DLG2: variants seen among roughly 807,000 people sequenced by gnomAD.
DLG2 encodes the protein disks large homolog 2.
A neutral mutation model predicts 132.5 loss-of-function variants in DLG2; 45 were observed. The ratio of observed to expected loss-of-function variants is 0.34; its 90% CI spans 0.27 to 0.44. DLG2 has a LOEUF of 0.44. Ranked by LOEUF, DLG2 falls within the 20% of genes least tolerant of loss-of-function variation. The probability of loss-of-function intolerance (pLI) is 1.00; values close to 1 mark genes in which losing one functional copy is unlikely to be tolerated. For missense variants in DLG2, 1,045 were observed against 1,196.9 expected, an observed-to-expected ratio of 0.87 and a Z score of 1.87; for synonymous variants, 424 against 419.6, an observed-to-expected ratio of 1.01 and a Z score of -0.13.
intron 7 of DLG2, among the ~76,000 whole-genome samples, chr11:84,487,711 A>G (rs1044355494): frequency 6.6e-6 from 1 of 152,158 alleles, no homozygotes; most frequent in Non-Finnish European, 1.5e-5. Context: ...ACTGAGGTTC[A>G]GCCAGAAGAT....
At chr11:83,594,133 G>A (rs1169069198) in intron 19 of DLG2, among the ~76,000 whole-genome samples, 1 of 152,206 alleles carries the variant, frequency 6.6e-6, no homozygotes, top group Non-Finnish European at 1.5e-5. Context: ...GACCCTTTAG[G>A]CAGGGCCCTG....
chr11:85,335,208 G>A (rs997260188), intron 3 of DLG2, among the ~76,000 whole-genome samples: 3 of 149,670 alleles, frequency 2.0e-5, no homozygotes, highest in African/African-American at 7.3e-5. Context: ...GTCACTTTGT[G>A]TGAAATAATA....
At chr11:84,832,824 C>T (rs1226320787) in intron 6 of DLG2, among the ~76,000 whole-genome samples, 2 of 151,466 alleles carry the variant, frequency 1.3e-5, no homozygotes, top group African/African-American at 2.4e-5. Flanking sequence ...CCCCTCCGCC[C>T]CCAGTTTGGA....
At chr11:83,897,305 A>T (rs1468756827) in intron 15 of DLG2, among the ~76,000 whole-genome samples, 1 of 152,224 alleles carries the variant, frequency 6.6e-6, no homozygotes, top group East Asian at 1.9e-4. Flanking sequence ...TGGCATAAAA[A>T]TATTAAGAAA....
chr11:85,162,207 A>T (rs1403995130), intron 4 of DLG2, among the ~76,000 whole-genome samples: 5 of 152,216 alleles, frequency 3.3e-5, no homozygotes, highest in Non-Finnish European at 5.9e-5. Context: ...AACGGGAAGT[A>T]AGGAAGTGTG....
chr11:84,713,102 G>C (rs2060629392), intron 6 of DLG2, among the ~76,000 whole-genome samples: 1 of 152,056 alleles, frequency 6.6e-6, no homozygotes, highest in Non-Finnish European at 1.5e-5. Context: ...TCAAATTCAG[G>C]TGTGCATAAA....
In DLG2 at chr11:84,302,932, C is replaced by CA. The variant is rs199941142; in HGVS notation, c.520-51642dup. On this transcript the variant is annotated intron_variant, in intron 7 of 27. Transcript: ENST00000376104. ...TCAAAACGTGTCTCTACACCAAAAA[C>CA]AAAAAAAAATACACACACAGACAGA... 1.7e-3 allele frequency among the ~76,000 whole-genome samples: 256 copies of CA among 149,682 alleles called. 1 individual carries two copies. The highest frequency in any genetic ancestry group is 5.6e-3 in the African/African-American group (227 of 40,816).
chr11:84,016,792 C>G (rs772060141), intron 11 of DLG2, among the ~76,000 whole-genome samples: 34 of 152,074 alleles, frequency 2.2e-4, no homozygotes, highest in Non-Finnish European at 4.3e-4. Flanking sequence ...GACAAGAGAT[C>G]AAGTAAAACA....
intron 18 of DLG2, among the ~76,000 whole-genome samples, chr11:83,750,961 G>A (rs2093266605): frequency 6.6e-6 from 1 of 152,156 alleles, no homozygotes; most frequent in Admixed American, 6.6e-5. Flanking sequence ...TCAACAGTGA[G>A]CAAAACAAGA....
chr11:83,904,138 A>G (rs1287418817), intron 15 of DLG2, among the ~76,000 whole-genome samples: 1 of 152,174 alleles, frequency 6.6e-6, no homozygotes, highest in Non-Finnish European at 1.5e-5. Flanking sequence ...CTATGTGACT[A>G]AAGGGTGGGT....
intron 7 of DLG2, among the ~76,000 whole-genome samples, chr11:84,444,408 TTAAAAA>T (rs2099026824): frequency 1.3e-5 from 2 of 152,154 alleles, no homozygotes; most frequent in South Asian, 4.1e-4. Context: ...AAAATAACAA[TTAAAAA>T]TAGTAATTTA....
chr11:83,713,443 T>C (rs2085955285), intron 18 of DLG2, among the ~76,000 whole-genome samples: 1 of 152,186 alleles, frequency 6.6e-6, no homozygotes, highest in East Asian at 1.9e-4. Context: ...CAAAGTATTT[T>C]TCAGGAGAAG....
chr11:83,896,045 G>A (rs534815755), intron 15 of DLG2, among the ~76,000 whole-genome samples: 5 of 124,664 alleles, frequency 4.0e-5, no homozygotes, highest in Non-Finnish European at 6.8e-5. Context: ...AATATACCAG[G>A]GACTCTCTTA....
intron 11 of DLG2, among the ~76,000 whole-genome samples, chr11:83,999,307 C>A (rs1240850879): frequency 6.6e-6 from 1 of 152,144 alleles, no homozygotes. Flanking sequence ...TCTACCTAGC[C>A]AGCCACTTAC....
intron 3 of DLG2, among the ~76,000 whole-genome samples, chr11:85,364,861 C>CT (rs1185401863): frequency 2.6e-5 from 4 of 151,542 alleles, no homozygotes; most frequent in Non-Finnish European, 5.9e-5. Flanking sequence ...TTGTTTTTCC[C>CT]TATCCTTCTG....
chr11:84,338,320 C>T (rs1351325727), intron 7 of DLG2, among the ~76,000 whole-genome samples: 1 of 152,154 alleles, frequency 6.6e-6, no homozygotes, highest in African/African-American at 2.4e-5. Flanking sequence ...TAGAAGGCAA[C>T]TTGTTCACTC....
intron 6 of DLG2, chr11:84,955,529 G>T (rs1468638547): frequency 2.0e-5 from 3 of 152,098 alleles, no homozygotes; most frequent in Non-Finnish European, 4.4e-5. Context: ...CAACATGACA[G>T]TACTTCTCAA....
intron 7 of DLG2, among the ~76,000 whole-genome samples, chr11:84,334,193 C>A (rs1205500080): frequency 6.6e-6 from 1 of 152,172 alleles, no homozygotes; most frequent in Non-Finnish European, 1.5e-5. Context: ...CAGTCTCCTG[C>A]AATCAAATGC....
At chr11:85,431,622 G>A (rs2091188835) in intron 3 of DLG2, among the ~76,000 whole-genome samples, 1 of 152,154 alleles carries the variant, frequency 6.6e-6, no homozygotes, top group South Asian at 2.1e-4. Context: ...GCAGCTTCAG[G>A]GCCAACAACT....
Sources: gnomAD v4.1 joint callset for allele counts (sites outside exome capture counted in the v4.1 genomes callset) on GRCh38, gnomAD v4.1.1 for gene constraint, MANE v1.5 for transcripts, NCBI Gene and HGNC (gene_info 2026-07-23, HGNC 2026-07-21) for gene names.